The following SLC43A2 variants were observed in gnomAD, a reference collection of about 807,000 sequenced individuals.
The protein encoded by SLC43A2 is large neutral amino acids transporter small subunit 4.
In SLC43A2, 38 loss-of-function variants were observed where a neutral mutation model predicts 63.2. That is an observed-to-expected ratio of 0.60 (90% CI 0.46 to 0.79). The LOEUF (loss-of-function observed/expected upper bound fraction) is 0.79, where lower values mean the gene tolerates loss of function less well. SLC43A2 is among the 30% of genes least tolerant of loss of function. SLC43A2 has a pLI of 0.00. For synonymous variants in SLC43A2, 322 were observed against 331.0 expected, an observed-to-expected ratio of 0.97 and a Z score of 0.30; for missense variants, 644 against 756.2, an observed-to-expected ratio of 0.85 and a Z score of 1.74.
intron 9 of SLC43A2, chr17:1,586,841 C>T: frequency 8.0e-7 from 1 of 1,255,344 alleles, no homozygotes; most frequent in Non-Finnish European, 1.1e-6. Context: ...CGGCTCTAGC[C>T]AGGAGGCATG....
chr17:1,601,038 C>T (rs1229458695), intron 5 of SLC43A2, among the ~76,000 whole-genome samples: 1 of 149,812 alleles, frequency 6.7e-6, no homozygotes, highest in African/African-American at 2.5e-5. Flanking sequence ...GTGGTAGCGA[C>T]TGATTTTCCA....
chr17:1,607,961 C>T (rs1906769159), intron 5 of SLC43A2, among the ~76,000 whole-genome samples: 1 of 152,134 alleles, frequency 6.6e-6, no homozygotes, highest in Non-Finnish European at 1.5e-5. Flanking sequence ...GGTGATCCAC[C>T]CGCCTCAGCC....
rs1053626000 is a variant in SLC43A2 at position 1,576,871 on chromosome 17, T to A, written c.1425-151A>T. 4.1e-6 allele frequency: 4 copies of A among 985,656 alleles called. No homozygotes were observed. The African/African-American group carries it at 5.0e-5, about 12-fold the overall frequency. The allele number at this position is 985,656 out of a possible 1,614,324, so 61.1% of individuals were successfully genotyped here. On this transcript the variant is annotated intron_variant, in intron 12 of 13. Coordinates refer to ENST00000301335, the MANE Select transcript of SLC43A2 (RefSeq NM_152346.3). ...TCCTGCTGGGCAGTTCTGTTTTTTT[T>A]TTTTTTTTTTTAAGATGGAGTCTTG... is the stretch of plus-strand genomic sequence containing the variant.
At chr17:1,599,638 T>C (rs967151546) in intron 5 of SLC43A2, among the ~76,000 whole-genome samples, 1 of 150,970 alleles carries the variant, frequency 6.6e-6, no homozygotes, top group African/African-American at 2.4e-5. Context: ...GAGATAGAGG[T>C]TGCAGTGAGC....
intron 6 of SLC43A2, among the ~76,000 whole-genome samples, chr17:1,592,172 T>C (rs1352638932): frequency 6.6e-6 from 1 of 152,230 alleles, no homozygotes. Flanking sequence ...CTCACGCCTG[T>C]AATCCCAGCA....
chr17:1,629,340 C>T (rs1908983479), upstream of SLC43A2, among the ~76,000 whole-genome samples: 1 of 152,106 alleles, frequency 6.6e-6, no homozygotes, highest in Non-Finnish European at 1.5e-5. Flanking sequence ...CCCCACGCAG[C>T]GCCGCCGTCC....
chr17:1,577,682 AAGAAGGAACCACTGTGGTT>A lies in SLC43A2; in HGVS notation c.1424+549_1424+567del, dbSNP rs1309222650. 2.6e-5 allele frequency among the ~76,000 whole-genome samples: 4 copies of A among 152,198 alleles called. No homozygotes were observed. Among genetic ancestry groups the A allele is most frequent in the Non-Finnish European group, 4.4e-5 (3 of 68,036 alleles). On this transcript the variant is annotated intron_variant, in intron 12 of 13. Transcript: ENST00000301335. This position sits in a 1 kb window ranked among gnomAD's most constrained non-coding sequence, Gnocchi z 4.9. ...TTTTGGGTCAAGGCCTGAGCCAGAG[AAGAAGGAACCACTGTGGTT>A]CCTTTTATGTTTCTGGGGCTTCTTG...
At chr17:1,595,853 G>GT (rs1270013426) in intron 5 of SLC43A2, among the ~76,000 whole-genome samples, 2 of 152,280 alleles carry the variant, frequency 1.3e-5, no homozygotes, top group East Asian at 3.9e-4. Context: ...AATAATTTTT[G>GT]TTTTATCAAA....
rs2075973337 is a variant in SLC43A2 at position 1,578,997 on chromosome 17, T to C, written c.1351-674A>G. Among the ~76,000 whole-genome samples the C allele has an allele frequency of 6.6e-6, 1 of 151,644 alleles. No individual in the cohort carries two copies. The highest frequency in any genetic ancestry group is 1.5e-5 in the Non-Finnish European group (1 of 67,898). On this transcript the variant is annotated intron_variant, in intron 11 of 13. Coordinates refer to ENST00000301335, the MANE Select transcript of SLC43A2 (RefSeq NM_152346.3). The surrounding 1 kb of genome is among the most constrained non-coding windows in gnomAD (Gnocchi z 6.5). ...TTTACTAAAAATACAAAAAATTAGC[T>C]GGGCGTGGTGGTGGGCACCTGTAAT...
At chr17:1,616,431 C>T in intron 3 of SLC43A2, 131 bp downstream of exon 3, 1 of 868,842 alleles carries the variant, frequency 1.2e-6, no homozygotes, top group Non-Finnish European at 1.7e-6. Flanking sequence ...GTAGGAACTC[C>T]ATTCTGGAGG....
At chr17:1,621,249 C>A (rs1215486562) in intron 2 of SLC43A2, among the ~76,000 whole-genome samples, 3 of 152,156 alleles carry the variant, frequency 2.0e-5, no homozygotes, top group Non-Finnish European at 4.4e-5. Context: ...CTCCCCACAC[C>A]CCGGGGAGAC....
chr17:1,584,636 A>G (rs2076072606), intron 10 of SLC43A2, among the ~76,000 whole-genome samples: 1 of 148,504 alleles, frequency 6.7e-6, no homozygotes, highest in Admixed American at 6.9e-5. Context: ...ACACTGTGAA[A>G]CCCCTGTCTC....
intron 1 of SLC43A2, 95 bp from the exon 2 acceptor site, chr17:1,628,015 C>T (rs1183369598): frequency 8.5e-7 from 1 of 1,174,808 alleles, no homozygotes; most frequent in Non-Finnish European, 1.1e-6. Flanking sequence ...TCGGGATTGC[C>T]ACCCCTCCCC....
chr17:1,576,232 T>C (rs570894556), intron 13 of SLC43A2, among the ~76,000 whole-genome samples: 37 of 152,084 alleles, frequency 2.4e-4, no homozygotes, highest in Non-Finnish European at 4.1e-4. Context: ...TACAGGCACC[T>C]GCCACCACAC....
At position 1,606,623 on chromosome 17, in the gene SLC43A2, C is replaced by T. The variant is rs1056781605; in HGVS notation, c.501+6572G>A. ...GGGTGGCGACCCCAAGATGCGGCCT[C>T]AGCCGCCGGCCGTGTTTGTGCTCCA... On this transcript the variant is annotated intron_variant, in intron 5 of 13. Coordinates refer to ENST00000301335, the MANE Select transcript of SLC43A2 (RefSeq NM_152346.3). The surrounding 1 kb of genome is among the most constrained non-coding windows in gnomAD (Gnocchi z 4.7). Among the ~76,000 whole-genome samples, 3 of 152,236 alleles carry T rather than the reference C, an allele frequency of 2.0e-5. No individual in the cohort carries two copies. The highest frequency in any genetic ancestry group is 4.8e-5 in the African/African-American group (2 of 41,450).
chr17:1,591,934 C>G (rs1049566553), intron 6 of SLC43A2, among the ~76,000 whole-genome samples: 1 of 152,210 alleles, frequency 6.6e-6, no homozygotes, highest in Admixed American at 6.5e-5. Context: ...AGCCCCCCGA[C>G]TCGGAGGCCT....
At chr17:1,594,593 T>TC (rs1281519980) in intron 5 of SLC43A2, among the ~76,000 whole-genome samples, 89 of 128,276 alleles carry the variant, frequency 6.9e-4, no homozygotes, top group African/African-American at 2.6e-3. Context: ...TTTCTTTCTT[T>TC]TTTTTTTTTT....
chr17:1,581,262 C>T (rs1460165354), intron 11 of SLC43A2, among the ~76,000 whole-genome samples: 1 of 150,916 alleles, frequency 6.6e-6, no homozygotes, highest in Non-Finnish European at 1.5e-5. Context: ...GCCTTGTTGC[C>T]TTTTTACAAC....
intron 5 of SLC43A2, among the ~76,000 whole-genome samples, chr17:1,594,627 G>A (rs1459938120): frequency 1.9e-4 from 26 of 136,472 alleles, no homozygotes; most frequent in Admixed American, 3.0e-4. Context: ...TCGCTCTTTC[G>A]CCCAGGCTGT....
Sources: allele counts gnomAD v4.1 joint callset (sites outside exome capture counted in the v4.1 genomes callset), GRCh38; gene constraint gnomAD v4.1.1; non-coding constraint Gnocchi (gnomAD v3.1); transcripts MANE v1.5; gene names NCBI Gene and HGNC (gene_info 2026-07-23, HGNC 2026-07-21).